The following DLGAP1 variants were observed in gnomAD, a reference collection of about 807,000 sequenced individuals.
The protein encoded by DLGAP1 is disks large-associated protein 1.
In DLGAP1, 11 loss-of-function variants were observed where a neutral mutation model predicts 90.8. The observed-to-expected ratio is 0.12, with a 90% CI of 0.08 to 0.20. The LOEUF (loss-of-function observed/expected upper bound fraction) is 0.20. DLGAP1 is among the 10% of genes least tolerant of loss of function. The pLI is 1.00. For missense variants in DLGAP1, 1,050 were observed against 1,333.8 expected, an observed-to-expected ratio of 0.79 and a Z score of 3.31; for synonymous variants, 558 against 540.7, an observed-to-expected ratio of 1.03 and a Z score of -0.44.
At chr18:4,248,085 T>C (rs1017854377) in intron 1 of DLGAP1, among the ~76,000 whole-genome samples, 2 of 152,092 alleles carry the variant, frequency 1.3e-5, no homozygotes, top group Non-Finnish European at 2.9e-5. Context: ...CCCCAAATGG[T>C]AGCGTTAGAC....
intron 8 of DLGAP1, among the ~76,000 whole-genome samples, chr18:3,579,048 A>AATT (rs1226786366): frequency 1.3e-5 from 2 of 151,944 alleles, no homozygotes; most frequent in African/African-American, 4.8e-5. Context: ...TGAAAATAAT[A>AATT]ATTATTATTA....
intron 7 of DLGAP1, among the ~76,000 whole-genome samples, chr18:3,648,372 T>C (rs908851027): frequency 7.9e-5 from 12 of 152,342 alleles, no homozygotes; most frequent in African/African-American, 2.9e-4. Flanking sequence ...AGCATCTTAG[T>C]TGAATACCAA....
rs557562535 is a variant in DLGAP1, at chr18:4,445,095, G to A, written c.-267+9911C>T. ...TCAAATGTTATCATTTCATAAATTC[G>A]AGTTTAATATTTTCCAAGTTGCTTA... On this transcript the variant is annotated intron_variant, in intron 1 of 12. Coordinates refer to ENST00000315677, the MANE Select transcript of DLGAP1 (RefSeq NM_004746.4). 1.2e-4 allele frequency among the ~76,000 whole-genome samples: 18 copies of A among 152,120 alleles called. 1 individual carries two copies. In the South Asian group the frequency reaches 3.1e-3, roughly 26 times the overall value.
intron 1 of DLGAP1, among the ~76,000 whole-genome samples, chr18:4,173,005 T>G (rs2077048657): frequency 6.6e-6 from 1 of 152,250 alleles, no homozygotes; most frequent in Non-Finnish European, 1.5e-5. Flanking sequence ...TTCAACCATT[T>G]ATTTTGCTAT....
At chr18:3,706,902 C>T (rs79622865) in intron 7 of DLGAP1, among the ~76,000 whole-genome samples, 2,745 of 152,160 alleles carry the variant, frequency 0.018, 89 homozygotes, top group African/African-American at 0.064. Context: ...CAAAAGAATA[C>T]CAACATCTAC....
intron 1 of DLGAP1, among the ~76,000 whole-genome samples, chr18:4,241,570 A>G (rs185242262): frequency 1.3e-5 from 2 of 152,348 alleles, no homozygotes; most frequent in East Asian, 3.9e-4. Flanking sequence ...CACTTATTAC[A>G]AAGAGATAAA....
intron 2 of DLGAP1, among the ~76,000 whole-genome samples, chr18:4,146,657 A>G (rs1212889651): frequency 6.6e-6 from 1 of 152,184 alleles, no homozygotes; most frequent in African/African-American, 2.4e-5. Flanking sequence ...AAGCTTTACT[A>G]TTAGGCAAAC....
chr18:3,947,161 G>A (rs1404357672), intron 3 of DLGAP1, among the ~76,000 whole-genome samples: 1 of 152,126 alleles, frequency 6.6e-6, no homozygotes, highest in Non-Finnish European at 1.5e-5. Flanking sequence ...ATTGGGTTGG[G>A]TATAGACCAG....
intron 9 of DLGAP1, among the ~76,000 whole-genome samples, chr18:3,539,623 T>G (rs1358787380): frequency 6.6e-6 from 1 of 152,226 alleles, no homozygotes; most frequent in African/African-American, 2.4e-5. Context: ...TCCTACAACT[T>G]TTCTGTACAG....
At chr18:3,895,884 C>T (rs78060597) in intron 3 of DLGAP1, 1,619 of 152,254 alleles carry the variant, frequency 0.011, 29 homozygotes, top group African/African-American at 0.037. Flanking sequence ...GAAAAGTCCA[C>T]GCCAAATTCT....
At chr18:3,634,394 T>G (rs2058627210) in intron 7 of DLGAP1, among the ~76,000 whole-genome samples, 2 of 152,176 alleles carry the variant, frequency 1.3e-5, no homozygotes, top group South Asian at 4.1e-4. Context: ...GCTGAAAACT[T>G]TGATCTCCCT....
At chr18:4,197,315 CGAG>C (rs1284742975) in intron 1 of DLGAP1, among the ~76,000 whole-genome samples, 3 of 151,048 alleles carry the variant, frequency 2.0e-5, no homozygotes, top group African/African-American at 7.3e-5. Context: ...AGAATCTGAT[CGAG>C]AAGAAGGCAT....
At chr18:3,736,988 A>G (rs1293729511) in intron 6 of DLGAP1, among the ~76,000 whole-genome samples, 1 of 149,136 alleles carries the variant, frequency 6.7e-6, no homozygotes, top group East Asian at 1.9e-4. Flanking sequence ...GAATACTACA[A>G]ACACCTCTAC....
At chr18:4,283,765 A>G (rs938951058) in intron 1 of DLGAP1, among the ~76,000 whole-genome samples, 9 of 152,136 alleles carry the variant, frequency 5.9e-5, no homozygotes, top group African/African-American at 1.7e-4. Flanking sequence ...TACTTGCACA[A>G]AAGTTTTATT....
chr18:3,860,055 C>T (rs1027357212), intron 4 of DLGAP1, among the ~76,000 whole-genome samples: 6 of 144,766 alleles, frequency 4.1e-5, no homozygotes, highest in African/African-American at 1.5e-4. Flanking sequence ...GCCGAGATTG[C>T]GCCACTGCAC....
At position 4,392,718 on chromosome 18, in the gene DLGAP1, G is replaced by A. The variant is rs76736508; in HGVS notation, c.-267+62288C>T. Reference sequence around the variant, plus strand: ...ATTTAAACATCATTTTATATCCCTAGGCCAAGTCTTACTTCTGAGATCCAG... The same window carrying A: ...ATTTAAACATCATTTTATATCCCTAAGCCAAGTCTTACTTCTGAGATCCAG... On this transcript the variant is annotated intron_variant, in intron 1 of 12. Coordinates refer to ENST00000315677, the MANE Select transcript of DLGAP1 (RefSeq NM_004746.4). Among the ~76,000 whole-genome samples, 850 of 151,394 alleles carry A rather than the reference G, an allele frequency of 5.6e-3. 16 individuals are homozygous for A. Among genetic ancestry groups the A allele is most frequent in the East Asian group, 0.044 (228 of 5,170 alleles).
chr18:4,209,745 G>A (rs1049989978), intron 1 of DLGAP1, among the ~76,000 whole-genome samples: 2 of 152,038 alleles, frequency 1.3e-5, no homozygotes, highest in African/African-American at 4.8e-5. Context: ...CAAAATTTTG[G>A]GGGGTACAAA....
At chr18:4,292,498 C>A (rs1424758228) in intron 1 of DLGAP1, among the ~76,000 whole-genome samples, 1 of 152,024 alleles carries the variant, frequency 6.6e-6, no homozygotes, top group Non-Finnish European at 1.5e-5. Context: ...TAATCTCTTA[C>A]AACATCACAT....
intron 2 of DLGAP1, among the ~76,000 whole-genome samples, chr18:4,119,580 ACG>A (rs2076119516): frequency 6.6e-6 from 1 of 152,216 alleles, no homozygotes; most frequent in South Asian, 2.1e-4. Flanking sequence ...AATACGGAAT[ACG>A]GTGAGGATGA....
Sources: allele counts gnomAD v4.1 joint callset (sites outside exome capture counted in the v4.1 genomes callset), GRCh38; gene constraint gnomAD v4.1.1; transcripts MANE v1.5; gene names NCBI Gene and HGNC (gene_info 2026-07-23, HGNC 2026-07-21).